The following ZC3H3 variants were observed in gnomAD, a reference collection of about 807,000 sequenced individuals.
ZC3H3 encodes zinc finger CCCH domain-containing protein 3.
In ZC3H3, 36 loss-of-function variants were observed where a neutral mutation model predicts 77.3. The ratio of observed to expected loss-of-function variants is 0.47; its 90% CI spans 0.36 to 0.61. The LOEUF (loss-of-function observed/expected upper bound fraction) is 0.61. Ranked by LOEUF, ZC3H3 falls within the 20% of genes least tolerant of loss-of-function variation. ZC3H3 has a pLI of 0.00. For synonymous variants in ZC3H3, 626 were observed against 555.2 expected, an observed-to-expected ratio of 1.13 and a Z score of -1.79; for missense variants, 1,331 against 1,312.2, an observed-to-expected ratio of 1.01 and a Z score of -0.22.
At chr8:143,440,567 C>A (rs889759369) in intron 10 of ZC3H3, among the ~76,000 whole-genome samples, 1 of 152,176 alleles carries the variant, frequency 6.6e-6, no homozygotes, top group South Asian at 2.1e-4. Flanking sequence ...CGAGCCTGCC[C>A]CTCACATCCA....
chr8:143,536,079 A>C (rs1822785581), intron 3 of ZC3H3, among the ~76,000 whole-genome samples, 178 bp downstream of exon 3: 1 of 152,196 alleles, frequency 6.6e-6, no homozygotes, highest in Non-Finnish European at 1.5e-5. Context: ...TGCAGGGCGC[A>C]GCATCCGGGC....
chr8:143,508,213 G>A lies in ZC3H3; in HGVS notation c.1562-314C>T, dbSNP rs190255627. 1.3e-3 allele frequency among the ~76,000 whole-genome samples: 202 copies of A among 152,340 alleles called. 1 individual carries two copies. Among genetic ancestry groups the A allele is most frequent in the African/African-American group, 3.3e-3 (139 of 41,582 alleles). On this transcript the variant is annotated intron_variant, in intron 3 of 11. Transcript: ENST00000262577. ...AGGAGAAGCCAGGGGTCTGGCAGCC[G>A]GGGATGCCTTGGAGTCCCCTAGACA...
Position 143,441,137 on chromosome 8 carries a change from T to C in ZC3H3, c.2308-17A>G. 2.2e-6 allele frequency: 3 copies of C among 1,391,028 alleles called. No homozygotes were observed. The highest frequency in any genetic ancestry group is 2.8e-6 in the Non-Finnish European group (3 of 1,079,028). The allele number at this position is 1,391,028 out of a possible 1,614,324, so 86.2% of individuals were successfully genotyped here. ...CTTCTTGCACTGCAGAGAGAAGGGG[T>C]GCAGGTGGGTGGGCCGGCTGGAGGC... On this transcript the variant is annotated splice_polypyrimidine_tract_variant and intron_variant, in intron 9 of 11. Transcript: ENST00000262577.
chr8:143,499,603 T>C (rs998561035), intron 4 of ZC3H3, among the ~76,000 whole-genome samples: 2 of 151,898 alleles, frequency 1.3e-5, no homozygotes, highest in African/African-American at 4.9e-5. Context: ...CTTCAGCATT[T>C]TCACAGCATT....
intron 9 of ZC3H3, among the ~76,000 whole-genome samples, chr8:143,455,073 T>C (rs2129828511): frequency 6.6e-6 from 1 of 151,736 alleles, no homozygotes; most frequent in African/African-American, 2.4e-5. Flanking sequence ...CCCTGCACTT[T>C]GGGAGGCCAA....
At chr8:143,450,905 G>A (rs1227890456) in intron 9 of ZC3H3, among the ~76,000 whole-genome samples, 1 of 152,156 alleles carries the variant, frequency 6.6e-6, no homozygotes, top group Non-Finnish European at 1.5e-5. Context: ...TCCTGGCAGG[G>A]GAGGCTGGCT....
At chr8:143,526,422 C>T (rs79148414) in intron 3 of ZC3H3, among the ~76,000 whole-genome samples, 2 of 152,212 alleles carry the variant, frequency 1.3e-5, no homozygotes, top group African/African-American at 4.8e-5. Context: ...CTGCTGGTGC[C>T]GAGCAGGAGA....
intron 3 of ZC3H3, among the ~76,000 whole-genome samples, chr8:143,517,735 G>A (rs1355690537): frequency 6.6e-6 from 1 of 152,160 alleles, no homozygotes; most frequent in Non-Finnish European, 1.5e-5. Context: ...CCCTTCCCAG[G>A]GCTGGGAGCT....
intron 4 of ZC3H3, among the ~76,000 whole-genome samples, chr8:143,501,938 G>T (rs192041573): frequency 1.5e-4 from 23 of 152,362 alleles, no homozygotes; most frequent in Admixed American, 1.0e-3. Flanking sequence ...GACCCCAGCG[G>T]GATGGCGTGA....
intron 5 of ZC3H3, among the ~76,000 whole-genome samples, chr8:143,472,866 G>A (rs1041127561): frequency 6.6e-6 from 1 of 152,220 alleles, no homozygotes; most frequent in Non-Finnish European, 1.5e-5. Context: ...TTGGCCCTGT[G>A]CAGGGAGTGG....
At chr8:143,526,829 C>CA (rs1177323424) in intron 3 of ZC3H3, among the ~76,000 whole-genome samples, 2 of 152,204 alleles carry the variant, frequency 1.3e-5, no homozygotes. Context: ...ACCCACTCCC[C>CA]AGTCCCTCAA....
chr8:143,490,132 T>C, intron 4 of ZC3H3, among the ~76,000 whole-genome samples: 1 of 150,422 alleles, frequency 6.6e-6, no homozygotes, highest in East Asian at 2.0e-4. Flanking sequence ...GCGGCGGGGG[T>C]GAAGGGGGCC....
chr8:143,469,746 TACAG>T (rs1332157947), intron 5 of ZC3H3, among the ~76,000 whole-genome samples: 1 of 152,104 alleles, frequency 6.6e-6, no homozygotes, highest in Non-Finnish European at 1.5e-5. Context: ...GCCTGCCTTT[TACAG>T]ACAGAGGTCA....
At position 143,538,524 on chromosome 8, in the gene ZC3H3, G is replaced by T. The variant is rs896963; in HGVS notation, c.843C>A (p.Gly281=). Reference sequence around the variant, plus strand: ...TGGGTCCTGAGGCCGGTCTGGCGGGGCCCCCCACTGAGCCAGACGGAACTG... The same window carrying T: ...TGGGTCCTGAGGCCGGTCTGGCGGGTCCCCCCACTGAGCCAGACGGAACTG... ...DQPVPSGSVG[G]PARPASGPRQ... is the part of the protein sequence containing the mutation. The change falls in exon 2 of 12, where the codon GGC becomes GGA. Residue 281 remains glycine (G), a synonymous_variant. Transcript: ENST00000262577. 8.1e-6 allele frequency: 13 copies of T among 1,612,128 alleles called. No individual in the cohort carries two copies. The highest frequency in any genetic ancestry group is 3.3e-4 in the Middle Eastern group (2 of 6,058).
chr8:143,480,350 T>A (rs568388779), intron 4 of ZC3H3, among the ~76,000 whole-genome samples: 8 of 152,292 alleles, frequency 5.3e-5, no homozygotes, highest in Admixed American at 5.2e-4. Flanking sequence ...AAGTGGCCCA[T>A]GCAAGGACTC....
chr8:143,479,488 C>T (rs1412807593), intron 4 of ZC3H3, among the ~76,000 whole-genome samples: 1 of 152,198 alleles, frequency 6.6e-6, no homozygotes, highest in Non-Finnish European at 1.5e-5. Context: ...CTCTCCCATC[C>T]GTCCGGCAGG....
At position 143,438,005 on chromosome 8, in the gene ZC3H3, C is replaced by A. The variant is rs762816332; in HGVS notation, c.*51G>T. The A allele has an allele frequency of 5.0e-6, 8 of 1,591,176 alleles. No homozygotes were observed. The Admixed American group carries it at 1.3e-4, about 25-fold the overall frequency. ...GTAGAGTGGTGGACAGAGCCTCTTT[C>A]CTCTCCAAGGATGAGGGTCTGAGGT... is the stretch of plus-strand genomic sequence containing the variant. On this transcript the variant is annotated 3_prime_UTR_variant, in exon 12 of 12. Transcript: ENST00000262577.
intron 3 of ZC3H3, among the ~76,000 whole-genome samples, chr8:143,515,168 G>C (rs1296021142): frequency 6.6e-6 from 1 of 152,210 alleles, no homozygotes; most frequent in African/African-American, 2.4e-5. Flanking sequence ...TCCCCGATCC[G>C]GAAGCCCAGC....
At chr8:143,438,573 C>G (rs1310658843) in intron 11 of ZC3H3, among the ~76,000 whole-genome samples, 1 of 152,160 alleles carries the variant, frequency 6.6e-6, no homozygotes, top group Non-Finnish European at 1.5e-5. Flanking sequence ...GCAGAGGCCC[C>G]AGGGTGAGGC....
Sources: allele counts gnomAD v4.1 joint callset (sites outside exome capture counted in the v4.1 genomes callset), GRCh38; gene constraint gnomAD v4.1.1; transcripts MANE v1.5; gene names NCBI Gene and HGNC (gene_info 2026-07-23, HGNC 2026-07-21).